The following PTPRZ1 variants were observed in gnomAD, a reference collection of about 807,000 sequenced individuals.
The protein encoded by PTPRZ1 is protein tyrosine phosphatase receptor type Z1.
PTPRZ1 carries 82 observed loss-of-function variants against 214.1 expected under a neutral mutation model. That is an observed-to-expected ratio of 0.38 (90% CI 0.32 to 0.46). The LOEUF (loss-of-function observed/expected upper bound fraction) is 0.46, where lower values mean the gene tolerates loss of function less well. PTPRZ1 is among the 20% of genes least tolerant of loss of function. PTPRZ1 has a pLI of 1.00. For synonymous variants in PTPRZ1, 945 were observed against 987.9 expected, an observed-to-expected ratio of 0.96 and a Z score of 0.81; for missense variants, 2,603 against 2,748.7, an observed-to-expected ratio of 0.95 and a Z score of 1.19.
intron 6 of PTPRZ1, among the ~76,000 whole-genome samples, chr7:121,982,244 G>A (rs866750353): frequency 1.3e-5 from 2 of 151,684 alleles, no homozygotes; most frequent in East Asian, 3.9e-4. Flanking sequence ...TCTCTTCATC[G>A]ATCTTTGCAC....
chr7:122,059,755 A>G lies in PTPRZ1; in HGVS notation c.6674A>G (p.His2225Arg). The G allele has an allele frequency of 1.2e-6, 2 of 1,607,518 alleles. No homozygotes were observed. Among genetic ancestry groups the G allele is most frequent in the South Asian group, 2.2e-5 (2 of 89,958 alleles). Residue 2225 changes from histidine to arginine, a missense_variant and splice_region_variant, in exon 29 of 30, where the codon CAT becomes CGT. His to Arg is a conservative substitution (Grantham distance 29, BLOSUM62 0). This residue lies in a region of PTPRZ1 where 165 missense variants were observed against 151.4 expected (regional missense o/e 1.09). Coordinates refer to ENST00000393386, the MANE Select transcript of PTPRZ1 (RefSeq NM_002851.3). Reference protein sequence around the residue: ...RDGPMIVHDEHGGVTAGTFCA... With the variant: ...RDGPMIVHDERGGVTAGTFCA... ...CTTTTCTTTTTTTTTTTTACAAGGC[A>G]TGGAGGAGTGACGGCAGGAACTTTC... is the stretch of plus-strand genomic sequence containing the variant.
rs534597079 is a variant in PTPRZ1, at chr7:122,001,178, C to T, written c.1240+3172C>T. ...CTCATTAAGTATTATTTCAAATTGT[C>T]GTTTAAAAAAATGTGTAAGTTTGCG... On this transcript the variant is annotated intron_variant, in intron 10 of 29. Coordinates refer to ENST00000393386, the MANE Select transcript of PTPRZ1 (RefSeq NM_002851.3). Among the ~76,000 whole-genome samples the T allele has an allele frequency of 5.3e-4, 80 of 151,838 alleles. No homozygotes were observed. The Middle Eastern group carries it at 0.01, about 20-fold the overall frequency.
intron 28 of PTPRZ1, 186 bp from the exon 29 acceptor site, chr7:122,059,567 C>A: frequency 3.1e-6 from 2 of 635,100 alleles, no homozygotes; most frequent in Non-Finnish European, 5.2e-6. Context: ...CTATTGATAT[C>A]ATGAACACTT....
Position 122,051,892 on chromosome 7 carries a change from T to G in PTPRZ1, c.6205T>G (p.Ser2069Ala), listed in dbSNP as rs1350833513. ...PVERSRVGISSLSGEGTDYIN... is the reference protein window; with the variant it reads ...PVERSRVGISALSGEGTDYIN... ...GGAAAGATCAAGGGTTGGCATTTCA[T>G]CCCTGAGTGGAGAAGGCACAGACTA... The change falls in exon 25 of 30, where the codon TCC becomes GCC. Residue 2069 changes from serine (S) to alanine (A), a missense_variant. By Grantham distance (99) the Ser-to-Ala change is moderately conservative. This residue lies in a region of PTPRZ1 where 134 missense variants were observed against 183.3 expected (regional missense o/e 0.73). Coordinates refer to ENST00000393386, the MANE Select transcript of PTPRZ1 (RefSeq NM_002851.3). 6.2e-7 allele frequency: 1 copy of G among 1,612,514 alleles called. No individual in the cohort carries two copies. The highest frequency in any genetic ancestry group is 1.1e-5 in the South Asian group (1 of 90,758).
intron 8 of PTPRZ1, among the ~76,000 whole-genome samples, chr7:121,992,897 G>C (rs1798014274): frequency 6.6e-6 from 1 of 152,138 alleles, no homozygotes; most frequent in South Asian, 2.1e-4. Flanking sequence ...GCTCATGTAT[G>C]GTGCAGTGCC....
At position 121,996,514 on chromosome 7, in the gene PTPRZ1, A is replaced by G. The variant is rs369458425; in HGVS notation, c.1061A>G (p.Asp354Gly). 6.2e-7 allele frequency: 1 copy of G among 1,604,234 alleles called. No individual in the cohort carries two copies. The highest frequency in any genetic ancestry group is 8.5e-7 in the Non-Finnish European group (1 of 1,174,706). The change falls in exon 9 of 30, where the codon GAT becomes GGT. Residue 354 changes from aspartate (D) to glycine (G), a missense_variant. By Grantham distance (94) the Asp-to-Gly change is moderately conservative (BLOSUM62 -1). Coordinates refer to ENST00000393386, the MANE Select transcript of PTPRZ1 (RefSeq NM_002851.3). ...EKFAVLYQQL[D>G]GEDQTKHEFL... ...TTTGCAGTTTTGTACCAGCAGTTGG[A>G]TGGAGAGGACCAAACCAAGCATGAA...
chr7:122,030,535 A>G (rs1197285759), intron 14 of PTPRZ1, among the ~76,000 whole-genome samples: 1 of 152,058 alleles, frequency 6.6e-6, no homozygotes, highest in Non-Finnish European at 1.5e-5. Flanking sequence ...AGCTTGACTG[A>G]CTAATTCAAT....
At chr7:122,001,609 G>T (rs1205388242) in intron 10 of PTPRZ1, among the ~76,000 whole-genome samples, 2 of 152,154 alleles carry the variant, frequency 1.3e-5, no homozygotes, top group African/African-American at 4.8e-5. Flanking sequence ...AGCAGTTGCG[G>T]TCTACATTGC....
At chr7:122,041,045 G>T in intron 21 of PTPRZ1, 66 bp downstream of exon 21, 1 of 1,328,738 alleles carries the variant, frequency 7.5e-7, no homozygotes, top group South Asian at 2.3e-5. Flanking sequence ...GAAATCAATG[G>T]AACAAAGCTT....
chr7:121,942,075 C>T (rs1796253867), intron 2 of PTPRZ1, among the ~76,000 whole-genome samples: 1 of 152,142 alleles, frequency 6.6e-6, no homozygotes, highest in South Asian at 2.1e-4. Flanking sequence ...TAGATGATTG[C>T]CTGAATCACT....
intron 11 of PTPRZ1, among the ~76,000 whole-genome samples, chr7:122,005,913 T>C (rs1242467598): frequency 1.3e-5 from 2 of 152,070 alleles, no homozygotes; most frequent in Non-Finnish European, 2.9e-5. Flanking sequence ...TCACGATCCA[T>C]GCTTAGTTAC....
intron 1 of PTPRZ1, among the ~76,000 whole-genome samples, chr7:121,914,326 C>G (rs1055747336): frequency 6.6e-6 from 1 of 152,020 alleles, no homozygotes; most frequent in African/African-American, 2.4e-5. Flanking sequence ...GTAGAAGTAA[C>G]GTTTTAGCAT....
chr7:121,918,954 T>G (rs1039977693), intron 1 of PTPRZ1, among the ~76,000 whole-genome samples: 5 of 152,072 alleles, frequency 3.3e-5, no homozygotes, highest in African/African-American at 9.6e-5. Flanking sequence ...TTTTTGTATA[T>G]TAACATATTT....
At chr7:122,055,155 A>C (rs748694959) in intron 27 of PTPRZ1, 68 bp downstream of exon 27, 22 of 1,279,822 alleles carry the variant, frequency 1.7e-5, no homozygotes, top group Non-Finnish European at 2.2e-5. Context: ...TGACCTAAGG[A>C]TCTGTCCTAG....
chr7:122,023,756 T>TAA (rs1799114900), intron 13 of PTPRZ1, among the ~76,000 whole-genome samples: 1 of 133,034 alleles, frequency 7.5e-6, no homozygotes, highest in Non-Finnish European at 1.6e-5. Context: ...ATTATATATA[T>TAA]AATGTATAAT....
At chr7:121,989,073 CTG>C (rs1199436245) in intron 8 of PTPRZ1, among the ~76,000 whole-genome samples, 2 of 152,156 alleles carry the variant, frequency 1.3e-5, no homozygotes, top group East Asian at 3.9e-4. Flanking sequence ...TGTTGATCCT[CTG>C]TAAAATTATT....
chr7:122,038,793 C>T lies in PTPRZ1; in HGVS notation c.5406C>T (p.Gly1802=), dbSNP rs1432777598. The change falls in exon 19 of 30, where the codon GGC becomes GGT. Residue 1802 remains glycine (G), a synonymous_variant. Transcript: ENST00000393386. The stretch of plus-strand genomic sequence containing the variant: ...CAAAAGCTTATATTGCTGCCCAAGG[C>T]CCACTGAAATCCACAGCTGAAGATT... ...NRPKAYIAAQ[G]PLKSTAEDFW... The T allele has an allele frequency of 6.2e-7, 1 of 1,613,522 alleles. No individual in the cohort carries two copies.
chr7:122,013,869 T>C lies in PTPRZ1; in HGVS notation c.4823T>C (p.Val1608Ala), dbSNP rs1475623324. 3 of 1,608,054 alleles carry C rather than the reference T, an allele frequency of 1.9e-6. No individual in the cohort carries two copies. In the South Asian group the frequency reaches 3.3e-5, roughly 18 times the overall value. Residue 1608 changes from valine (V) to alanine (A), a missense_variant, in exon 12 of 30, where the codon GTG (valine) becomes GCG (alanine). Physicochemically the swap from Val to Ala is moderately conservative, Grantham distance 64. Coordinates refer to ENST00000393386, the MANE Select transcript of PTPRZ1 (RefSeq NM_002851.3). ...TCTGTTACTAGCGAGAACTCAGAAG[T>C]GTTCCACGTTTCAGAGGCAGGTTAG... Reference protein sequence around the residue: ...TSSVTSENSEVFHVSEAEASN... With the variant: ...TSSVTSENSEAFHVSEAEASN...
At chr7:122,001,227 C>T (rs1798312980) in intron 10 of PTPRZ1, among the ~76,000 whole-genome samples, 1 of 151,968 alleles carries the variant, frequency 6.6e-6, no homozygotes, top group Admixed American at 6.6e-5. Context: ...TTAAATTTAT[C>T]AAGGAGCCTT....
Sources: allele counts gnomAD v4.1 joint callset (sites outside exome capture counted in the v4.1 genomes callset), GRCh38; gene constraint gnomAD v4.1.1; regional missense constraint gnomAD v4.1.1; transcripts MANE v1.5; gene names NCBI Gene and HGNC (gene_info 2026-07-23, HGNC 2026-07-21).